CFAP47: variants seen among roughly 807,000 people sequenced by gnomAD.
CFAP47 encodes cilia- and flagella-associated protein 47.
In CFAP47, 29 loss-of-function variants were observed where a neutral mutation model predicts 148.1. That is an observed-to-expected ratio of 0.20 (90% CI 0.15 to 0.27). The LOEUF (loss-of-function observed/expected upper bound fraction) is 0.27. Among genes scored for constraint, CFAP47 ranks in the 10% least tolerant of loss-of-function variants. The pLI is 1.00. For synonymous variants in CFAP47, 664 were observed against 577.3 expected, an observed-to-expected ratio of 1.15 and a Z score of -2.15; for missense variants, 1,872 against 1,697.5, an observed-to-expected ratio of 1.10 and a Z score of -1.81.
intron 1 of CFAP47, among the ~76,000 whole-genome samples, chrX:35,922,316 C>T (rs1601873889): frequency 8.9e-6 from 1 of 112,278 alleles, no homozygotes; most frequent in East Asian, 2.8e-4. Context: ...ATACCATTTT[C>T]ATTTACAGAC....
At chrX:36,242,294 G>T (rs1351764999) in intron 48 of CFAP47, among the ~76,000 whole-genome samples, 6 of 111,841 alleles carry the variant, frequency 5.4e-5, no homozygotes, top group African/African-American at 1.9e-4. Flanking sequence ...GAGCCCACTA[G>T]GTCTCCAGGA....
chrX:36,060,752 A>G (rs1937587211), intron 26 of CFAP47, among the ~76,000 whole-genome samples: 2 of 111,098 alleles, frequency 1.8e-5, no homozygotes, highest in African/African-American at 3.3e-5. Context: ...CATAGCACAT[A>G]TTTTCTAGAA....
At chrX:36,344,698 G>A (rs1941682905) in intron 57 of CFAP47, among the ~76,000 whole-genome samples, 1 of 111,841 alleles carries the variant, frequency 8.9e-6, no homozygotes, top group South Asian at 3.7e-4. Flanking sequence ...TTTATTTTTA[G>A]TGGTCATATA....
chrX:36,001,451 A>G (rs369477809), intron 20 of CFAP47, among the ~76,000 whole-genome samples, 162 bp from the exon 21 acceptor site: 9 of 111,841 alleles, frequency 8.0e-5, no homozygotes, highest in Non-Finnish European at 1.3e-4. Context: ...TGTTTTGCCA[A>G]TTGAATGTAT....
chrX:36,311,456 T>C (rs1280738781), intron 56 of CFAP47, among the ~76,000 whole-genome samples: 8 of 110,950 alleles, frequency 7.2e-5, no homozygotes, highest in African/African-American at 2.6e-4. Flanking sequence ...AATTAGATTA[T>C]TTGAAGAGTT....
At chrX:36,346,930 T>C (rs782255670) in intron 57 of CFAP47, among the ~76,000 whole-genome samples, 26 of 111,875 alleles carry the variant, frequency 2.3e-4, no homozygotes, top group African/African-American at 7.1e-4. Context: ...AAGCCAAAAT[T>C]GACAAATGGG....
chrX:36,282,652 C>A (rs1941091968), intron 50 of CFAP47, among the ~76,000 whole-genome samples: 3 of 111,406 alleles, frequency 2.7e-5, no homozygotes, highest in Non-Finnish European at 5.7e-5. Context: ...TAGCTTTCCT[C>A]TCATCAAAGA....
At chrX:36,193,795 C>A (rs1252241915) in intron 42 of CFAP47, among the ~76,000 whole-genome samples, 3 of 111,562 alleles carry the variant, frequency 2.7e-5, no homozygotes, top group African/African-American at 9.8e-5. Context: ...CCTCATCCTA[C>A]AATAAGCAGT....
chrX:36,190,626 G>GAGGA (rs782490080), intron 42 of CFAP47, among the ~76,000 whole-genome samples: 4 of 112,300 alleles, frequency 3.6e-5, no homozygotes, highest in African/African-American at 1.3e-4. Context: ...AGGTTCAACT[G>GAGGA]AGGAAGGATC....
At chrX:36,187,533 T>C (rs1939819946) in intron 40 of CFAP47, among the ~76,000 whole-genome samples, 1 of 112,012 alleles carries the variant, frequency 8.9e-6, no homozygotes, top group African/African-American at 3.2e-5. Context: ...TAATAAGCAG[T>C]CTTTGTTATT....
At chrX:36,382,960 A>T (rs782191273) in intron 63 of CFAP47, among the ~76,000 whole-genome samples, 1 of 111,543 alleles carries the variant, frequency 9.0e-6, no homozygotes, top group East Asian at 2.8e-4. Context: ...TAAATTTTTT[A>T]AAATATACAT....
intron 44 of CFAP47, among the ~76,000 whole-genome samples, 172 bp downstream of exon 44, chrX:36,201,672 T>C (rs1939981770): frequency 8.9e-6 from 1 of 111,903 alleles, no homozygotes; most frequent in African/African-American, 3.2e-5. Context: ...TATACCTCGT[T>C]AAATAATGAA....
chrX:35,942,668 CA>C (rs1160679688), intron 3 of CFAP47, among the ~76,000 whole-genome samples: 1 of 111,466 alleles, frequency 9.0e-6, no homozygotes, highest in East Asian at 2.8e-4. Flanking sequence ...GTTTTGATAG[CA>C]ATAATATATT....
intron 50 of CFAP47, among the ~76,000 whole-genome samples, chrX:36,282,355 A>C (rs1231899201): frequency 2.7e-5 from 3 of 111,123 alleles, no homozygotes; most frequent in African/African-American, 9.8e-5. Context: ...ATGAGGGTTA[A>C]AGTGTTCAGA....
intron 26 of CFAP47, among the ~76,000 whole-genome samples, chrX:36,062,115 G>A (rs895781615): frequency 5.4e-5 from 6 of 111,244 alleles, no homozygotes; most frequent in African/African-American, 1.3e-4. Context: ...TTCTTGCTCT[G>A]TCCATTTCTC....
chrX:36,359,943 C>T (rs1305017107), intron 60 of CFAP47, among the ~76,000 whole-genome samples: 3 of 110,350 alleles, frequency 2.7e-5, no homozygotes, highest in African/African-American at 3.3e-5. Flanking sequence ...TGAGTAGAGA[C>T]GGGGTTTCAC....
intron 54 of CFAP47, 147 bp downstream of exon 54, chrX:36,304,107 C>A (rs185100281): frequency 5.6e-5 from 19 of 339,187 alleles, no homozygotes; most frequent in Non-Finnish European, 9.9e-5. Context: ...ATAGGCCCAG[C>A]GGGGTGGCTC....
At chrX:36,235,795 T>C in intron 46 of CFAP47, 139 bp from the exon 47 acceptor site, 5 of 348,001 alleles carry the variant, frequency 1.4e-5, no homozygotes, top group Non-Finnish European at 5.1e-6. Flanking sequence ...TTAACAAATA[T>C]GACTTTCCAC....
intron 57 of CFAP47, among the ~76,000 whole-genome samples, chrX:36,335,549 C>A (rs1405861094): frequency 8.9e-6 from 1 of 111,985 alleles, no homozygotes; most frequent in Non-Finnish European, 1.9e-5. Context: ...TTCTAGGAAG[C>A]TTTTAAACTC....
Sources: allele counts gnomAD v4.1 joint callset (sites outside exome capture counted in the v4.1 genomes callset), GRCh38; gene constraint gnomAD v4.1.1; transcripts MANE v1.5; gene names NCBI Gene and HGNC (gene_info 2026-07-23, HGNC 2026-07-21).